EYS: variants seen among roughly 807,000 people sequenced by gnomAD.
EYS encodes EGF-like photoreceptor maintenance factor, also known as protein eyes shut homolog.
A neutral mutation model predicts 282.1 loss-of-function variants in EYS; 250 were observed. The ratio of observed to expected loss-of-function variants is 0.89; its 90% CI spans 0.80 to 0.98. EYS has a LOEUF of 0.98. Among genes scored for constraint, EYS ranks in the 50% least tolerant of loss-of-function variants. EYS has a pLI of 0.00. For missense variants in EYS, 4,016 were observed against 3,709.0 expected (o/e 1.08, Z -2.15); for synonymous variants, 1,355 against 1,282.9 (o/e 1.06, Z -1.20).
At chr6:65,631,741 G>A (rs562779937) in intron 2 of EYS, among the ~76,000 whole-genome samples, 1 of 152,278 alleles carries the variant, frequency 6.6e-6, no homozygotes, top group African/African-American at 2.4e-5. Context: ...CAGTTCTAAT[G>A]TGCCTATGGA....
intron 8 of EYS, among the ~76,000 whole-genome samples, chr6:65,374,540 C>T (rs1765287594): frequency 6.7e-6 from 1 of 149,154 alleles, no homozygotes; most frequent in Non-Finnish European, 1.5e-5. Context: ...ACCTGGAACT[C>T]CAGTGAAAGA....
At chr6:65,256,351 G>T (rs951228099) in intron 12 of EYS, among the ~76,000 whole-genome samples, 4 of 136,468 alleles carry the variant, frequency 2.9e-5, no homozygotes, top group African/African-American at 1.2e-4. Flanking sequence ...CATGTGCCAT[G>T]CTGGTGTGCT....
At chr6:64,941,627 A>T (rs533346799) in intron 15 of EYS, among the ~76,000 whole-genome samples, 6 of 151,956 alleles carry the variant, frequency 3.9e-5, no homozygotes, top group Non-Finnish European at 8.8e-5. Flanking sequence ...CCCACTCTAG[A>T]ATTCCCCAGT....
intron 22 of EYS, among the ~76,000 whole-genome samples, chr6:64,635,138 G>A (rs957344008): frequency 1.3e-5 from 2 of 152,152 alleles, no homozygotes; most frequent in Non-Finnish European, 2.9e-5. Flanking sequence ...TGTTACTGGT[G>A]TATAAGAATG....
intron 29 of EYS, among the ~76,000 whole-genome samples, chr6:64,344,148 T>C (rs1166575772): frequency 1.3e-5 from 2 of 152,154 alleles, no homozygotes; most frequent in Admixed American, 6.6e-5. Context: ...GCTGGTAGCA[T>C]TCCTTCTGAA....
chr6:64,922,924 C>T (rs1021563034), intron 15 of EYS, among the ~76,000 whole-genome samples: 2 of 152,090 alleles, frequency 1.3e-5, no homozygotes, highest in Non-Finnish European at 2.9e-5. Context: ...TCCAGCATCC[C>T]AACATTTCAT....
chr6:64,566,784 A>G (rs1236785680), intron 26 of EYS, among the ~76,000 whole-genome samples: 1 of 152,002 alleles, frequency 6.6e-6, no homozygotes, highest in Non-Finnish European at 1.5e-5. Context: ...TAATATATAT[A>G]TATTTTTAAG....
chr6:64,732,904 G>A (rs985278251), intron 22 of EYS, among the ~76,000 whole-genome samples: 15 of 152,158 alleles, frequency 9.9e-5, no homozygotes, highest in Non-Finnish European at 1.9e-4. Context: ...TTCTTATATG[G>A]TAGCACAATT....
rs143496314 is a variant in EYS, at chr6:64,741,482, A to G, written c.3443+71896T>C. Among the ~76,000 whole-genome samples the G allele has an allele frequency of 6.1e-3, 931 of 152,342 alleles. 9 individuals are homozygous for G. The highest frequency in any genetic ancestry group is 0.011 in the Non-Finnish European group (751 of 68,024). On this transcript the variant is annotated intron_variant, in intron 22 of 42. Transcript: ENST00000503581. ...TCAACTAAAAGTCACTAGCTGCATC[A>G]GCCCCTAGCAAGAGGCAACTTGTCC...
At chr6:65,082,072 C>T (rs1774244301) in intron 12 of EYS, among the ~76,000 whole-genome samples, 1 of 152,064 alleles carries the variant, frequency 6.6e-6, no homozygotes, top group African/African-American at 2.4e-5. Flanking sequence ...TAATGTATTA[C>T]AGTTCTCATT....
At chr6:63,767,013 CTT>C (rs1769806394) in intron 40 of EYS, among the ~76,000 whole-genome samples, 1 of 152,064 alleles carries the variant, frequency 6.6e-6, no homozygotes, top group South Asian at 2.1e-4. Flanking sequence ...GCAGAAAAGA[CTT>C]TGATAAAATT....
intron 8 of EYS, among the ~76,000 whole-genome samples, chr6:65,360,964 T>C (rs1017636513): frequency 1.3e-5 from 2 of 152,062 alleles, no homozygotes; most frequent in Non-Finnish European, 2.9e-5. Flanking sequence ...TTTCCATCTA[T>C]ATTTCTACAT....
At chr6:64,406,964 A>C (rs1215328762) in intron 28 of EYS, among the ~76,000 whole-genome samples, 1 of 152,244 alleles carries the variant, frequency 6.6e-6, no homozygotes, top group Non-Finnish European at 1.5e-5. Context: ...TACCCGAAGG[A>C]TAATAAATCA....
intron 26 of EYS, among the ~76,000 whole-genome samples, chr6:64,483,059 T>C (rs746182182): frequency 2.6e-5 from 4 of 151,654 alleles, no homozygotes; most frequent in Admixed American, 1.3e-4. Flanking sequence ...ATGTTTCCTG[T>C]GTCTAGGACA....
chr6:64,610,404 A>ATTTTTTTTTTTTTTTTTTTTTTTTTTTTT (rs10536697), intron 24 of EYS, among the ~76,000 whole-genome samples: 1 of 100,170 alleles, frequency 1.0e-5, no homozygotes. Flanking sequence ...TGTTGTAAGA[A>ATTTTTTTTTTTTTTTTTTTTTTTTTTTTT]TTTTTTTTTT....
intron 12 of EYS, among the ~76,000 whole-genome samples, chr6:65,253,967 A>T (rs1043072023): frequency 7.6e-4 from 116 of 151,824 alleles, no homozygotes; most frequent in Non-Finnish European, 2.1e-4. Context: ...TATTAAGAGG[A>T]TTTAAAATAA....
chr6:64,754,397 G>A (rs917033078), intron 22 of EYS, among the ~76,000 whole-genome samples: 7 of 146,938 alleles, frequency 4.8e-5, no homozygotes, highest in African/African-American at 1.5e-4. Context: ...CACAGCTGAT[G>A]CCACCAGACA....
chr6:64,793,476 G>A (rs1264815455), intron 22 of EYS, among the ~76,000 whole-genome samples: 2 of 152,080 alleles, frequency 1.3e-5, no homozygotes, highest in Non-Finnish European at 2.9e-5. Flanking sequence ...GTTAGCAGAT[G>A]AAAAAAATGC....
At chr6:64,497,950 T>C (rs1483802836) in intron 26 of EYS, among the ~76,000 whole-genome samples, 3 of 152,060 alleles carry the variant, frequency 2.0e-5, no homozygotes, top group African/African-American at 7.2e-5. Flanking sequence ...AGAGTCTGGG[T>C]ATAGATGGAG....
Sources: allele counts gnomAD v4.1 joint callset (sites outside exome capture counted in the v4.1 genomes callset), GRCh38; gene constraint gnomAD v4.1.1; transcripts MANE v1.5; gene names NCBI Gene and HGNC (gene_info 2026-07-23, HGNC 2026-07-21).